LRRC7: variants seen among roughly 807,000 people sequenced by gnomAD.
LRRC7 encodes leucine-rich repeat-containing protein 7.
In LRRC7, 23 loss-of-function variants were observed where a neutral mutation model predicts 175.7. That is an observed-to-expected ratio of 0.13 (90% CI 0.09 to 0.19). The LOEUF (loss-of-function observed/expected upper bound fraction) is 0.19. Among genes scored for constraint, LRRC7 ranks in the 10% least tolerant of loss-of-function variants. The pLI is 1.00. For synonymous variants in LRRC7, 685 were observed against 680.9 expected, an observed-to-expected ratio of 1.01 and a Z score of -0.09; for missense variants, 1,354 against 1,904.7, an observed-to-expected ratio of 0.71 and a Z score of 5.38.
intron 1 of LRRC7, among the ~76,000 whole-genome samples, chr1:69,587,025 A>C (rs1646429563): frequency 6.6e-6 from 1 of 152,206 alleles, no homozygotes; most frequent in Admixed American, 6.5e-5. Flanking sequence ...TACCTGAAGA[A>C]ATATGTTGTA....
chr1:69,615,321 A>G (rs1649440539), intron 1 of LRRC7, among the ~76,000 whole-genome samples: 1 of 151,954 alleles, frequency 6.6e-6, no homozygotes, highest in African/African-American at 2.4e-5. Flanking sequence ...AACAGTTCTG[A>G]TCAATGAAAA....
intron 14 of LRRC7, 128 bp from the exon 15 acceptor site, chr1:70,018,591 G>T: frequency 1.9e-6 from 1 of 529,400 alleles, no homozygotes. Context: ...ATTTCATGTT[G>T]TAATTTCTTA....
chr1:69,967,279 C>A (rs1195266082), intron 8 of LRRC7, among the ~76,000 whole-genome samples: 2 of 152,144 alleles, frequency 1.3e-5, no homozygotes, highest in African/African-American at 2.4e-5. Context: ...ACATCCCCCA[C>A]AGCAGCCACA....
intron 5 of LRRC7, among the ~76,000 whole-genome samples, chr1:69,828,177 G>T (rs1401195839): frequency 1.3e-5 from 2 of 152,084 alleles, no homozygotes. Flanking sequence ...CTGTACCTCA[G>T]TTGATAGGCA....
chr1:69,761,819 C>A (rs2100944709), intron 3 of LRRC7, among the ~76,000 whole-genome samples: 1 of 152,032 alleles, frequency 6.6e-6, no homozygotes, highest in East Asian at 1.9e-4. Flanking sequence ...CTCTGTTGTC[C>A]CTGACTGAGA....
At chr1:69,728,961 C>T (rs913020857) in intron 2 of LRRC7, among the ~76,000 whole-genome samples, 2 of 152,158 alleles carry the variant, frequency 1.3e-5, no homozygotes, top group African/African-American at 4.8e-5. Context: ...AGAAAACTTA[C>T]AATCATGGCA....
chr1:69,615,953 A>C lies in LRRC7; in HGVS notation c.2+47312A>C, dbSNP rs572825536. 1.8e-4 allele frequency among the ~76,000 whole-genome samples: 27 copies of C among 152,172 alleles called. No homozygotes were observed. The South Asian group carries it at 5.0e-3, about 28-fold the overall frequency. On this transcript the variant is annotated intron_variant, in intron 1 of 26. Transcript: ENST00000651989. ...TTTTTGCTCCTTCGGGGCTGGTCAG[A>C]GGATGGAACTTAATCACGAATTATG...
intron 23 of LRRC7, among the ~76,000 whole-genome samples, chr1:70,074,092 C>G (rs1396839122): frequency 2.0e-5 from 3 of 151,864 alleles, no homozygotes; most frequent in Non-Finnish European, 4.4e-5. Flanking sequence ...ATCCCAGCTA[C>G]TTGGGAGGCT....
At chr1:69,773,430 G>T (rs971412732) in intron 3 of LRRC7, among the ~76,000 whole-genome samples, 1 of 152,144 alleles carries the variant, frequency 6.6e-6, no homozygotes. Context: ...TGAAAGAAAT[G>T]CTGTGAGCTG....
chr1:70,144,012 C>T lies in LRRC7; in HGVS notation c.*22125C>T, dbSNP rs1339190753. 6.6e-6 allele frequency: 1 copy of T among 152,070 alleles called. No homozygotes were observed. Among genetic ancestry groups the T allele is most frequent in the Non-Finnish European group, 1.5e-5 (1 of 68,002 alleles). 9.4% of individuals were successfully genotyped at this position (152,070 alleles called of 1,614,324 possible). On this transcript the variant is annotated 3_prime_UTR_variant, in exon 27 of 27. Transcript: ENST00000651989. ...TTTTGCAGTATGAGACCATAACAAC[C>T]TTGAAAGCTGCTTCATTTTATGTGC...
chr1:69,819,032 A>C (rs1454979260), intron 4 of LRRC7, among the ~76,000 whole-genome samples: 2 of 152,050 alleles, frequency 1.3e-5, no homozygotes. Context: ...TCTCAAAAAA[A>C]ACAAATTCTA....
At chr1:69,658,911 C>T (rs1191284389) in intron 1 of LRRC7, among the ~76,000 whole-genome samples, 2 of 151,926 alleles carry the variant, frequency 1.3e-5, no homozygotes, top group East Asian at 3.9e-4. Flanking sequence ...GGTATGATGA[C>T]ACATACTGAG....
At chr1:69,979,644 G>T (rs1240491017) in intron 8 of LRRC7, among the ~76,000 whole-genome samples, 1 of 152,004 alleles carries the variant, frequency 6.6e-6, no homozygotes, top group African/African-American at 2.4e-5. Context: ...TACATACAAG[G>T]CATGTACCGC....
intron 7 of LRRC7, among the ~76,000 whole-genome samples, chr1:69,911,298 C>G (rs1454486887): frequency 2.0e-5 from 3 of 152,216 alleles, no homozygotes; most frequent in African/African-American, 7.2e-5. Flanking sequence ...ATCACTCACG[C>G]TGGGAGCTGT....
chr1:70,114,457 G>A (rs1665721919), intron 26 of LRRC7, among the ~76,000 whole-genome samples: 1 of 152,100 alleles, frequency 6.6e-6, no homozygotes, highest in Admixed American at 6.6e-5. Flanking sequence ...TGAGGCAGAG[G>A]CAGGAGGATT....
chr1:69,833,531 C>A (rs1358659080), intron 5 of LRRC7, among the ~76,000 whole-genome samples: 1 of 151,748 alleles, frequency 6.6e-6, no homozygotes, highest in Admixed American at 6.6e-5. Flanking sequence ...TACATACATA[C>A]AAATGCAAAT....
intron 8 of LRRC7, among the ~76,000 whole-genome samples, chr1:69,963,089 A>C (rs915946842): frequency 6.6e-6 from 1 of 151,968 alleles, no homozygotes; most frequent in African/African-American, 2.4e-5. Flanking sequence ...GCGGATCACC[A>C]GGTCAGGAGT....
chr1:70,016,565 T>C, intron 14 of LRRC7, 31 bp downstream of exon 14: 1 of 1,483,576 alleles, frequency 6.7e-7, no homozygotes, highest in Middle Eastern at 2.0e-4. Context: ...ATTTATTTAT[T>C]AAGATGAACT....
chr1:69,769,391 A>G (rs1671973064), intron 3 of LRRC7, among the ~76,000 whole-genome samples: 1 of 152,024 alleles, frequency 6.6e-6, no homozygotes, highest in Non-Finnish European at 1.5e-5. Flanking sequence ...TGAAATCTGA[A>G]ATGCTCCAAA....
Sources: allele counts gnomAD v4.1 joint callset (sites outside exome capture counted in the v4.1 genomes callset), GRCh38; gene constraint gnomAD v4.1.1; transcripts MANE v1.5; gene names NCBI Gene and HGNC (gene_info 2026-07-23, HGNC 2026-07-21).